Variants in PRDM15 observed in about 807,000 individuals in gnomAD.
PRDM15 encodes the protein PR domain zinc finger protein 15.
In PRDM15, 64 loss-of-function variants were observed where a neutral mutation model predicts 128.6. The ratio of observed to expected loss-of-function variants is 0.50; its 90% CI spans 0.41 to 0.61. The LOEUF (loss-of-function observed/expected upper bound fraction) is 0.61, where lower values mean the gene tolerates loss of function less well. PRDM15 is among the 20% of genes least tolerant of loss of function. The probability of loss-of-function intolerance (pLI) is 0.00; values close to 1 mark genes in which losing one functional copy is unlikely to be tolerated. For missense variants in PRDM15, 1,242 were observed against 1,569.1 expected (o/e 0.79, Z 3.52); for synonymous variants, 615 against 621.8 (o/e 0.99, Z 0.16).
intron 5 of PRDM15, among the ~76,000 whole-genome samples, chr21:41,852,428 A>C (rs2063458675): frequency 6.6e-6 from 1 of 152,188 alleles, no homozygotes; most frequent in African/African-American, 2.4e-5. Flanking sequence ...GCCTCGCAGG[A>C]CTTGGAAACG....
chr21:41,871,508 G>A (rs1352693775), intron 1 of PRDM15: 1 of 1,605,470 alleles, frequency 6.2e-7, no homozygotes, highest in East Asian at 2.2e-5. Context: ...AGGTAGGGCA[G>A]GATTGCGTCG....
chr21:41,866,554 G>A (rs1382370344), intron 1 of PRDM15, among the ~76,000 whole-genome samples: 6 of 152,196 alleles, frequency 3.9e-5, no homozygotes, highest in Non-Finnish European at 2.9e-5. Context: ...CCTGGTTCAC[G>A]TACTTGAAAG....
chr21:41,826,830 A>G (rs1459024048), intron 12 of PRDM15, among the ~76,000 whole-genome samples: 1 of 152,202 alleles, frequency 6.6e-6, no homozygotes, highest in Non-Finnish European at 1.5e-5. Context: ...CTCCAGTATG[A>G]GGGACAAACC....
rs1195164254 is a variant in PRDM15 at position 41,857,166 on chromosome 21, C to A, written c.285+10G>T. 3 of 1,595,008 alleles carry A rather than the reference C, an allele frequency of 1.9e-6. No individual in the cohort carries two copies. Among genetic ancestry groups the A allele is most frequent in the African/African-American group, 1.4e-5 (1 of 72,718 alleles). On this transcript the variant is annotated intron_variant, in intron 4 of 23. Transcript: ENST00000398548. ...CAGTTCCTGAGCTCCTGTTTGGCAA[C>A]AGCCTTTACCTTCAGGGGAAATGCA...
rs983591718 is a variant in PRDM15 at position 41,821,375 on chromosome 21, G to A, written c.1897-145C>T. On this transcript the variant is annotated intron_variant, in intron 15 of 23. Coordinates refer to ENST00000398548, the MANE Select transcript of PRDM15 (RefSeq NM_001040424.3). The surrounding 1 kb of genome is among the most constrained non-coding windows in gnomAD (Gnocchi z 5.4). ...GCCAGGGTGGAAGGGACTCTCAGAG[G>A]CTTGATGGGGAACTTTTCCGAAGCC... The A allele has an allele frequency of 8.4e-6, 8 of 955,660 alleles. No individual in the cohort carries two copies. In the African/African-American group the frequency reaches 9.9e-5, roughly 12 times the overall value. The allele number at this position is 955,660 out of a possible 1,614,324, so 59.2% of individuals were successfully genotyped here.
chr21:41,818,303 G>A (rs1409184374), intron 18 of PRDM15, among the ~76,000 whole-genome samples: 1 of 152,192 alleles, frequency 6.6e-6, no homozygotes, highest in Non-Finnish European at 1.5e-5. Flanking sequence ...TCCCGCTAAG[G>A]CAGGCAGACA....
chr21:41,805,186 G>A (rs547093055), intron 21 of PRDM15, among the ~76,000 whole-genome samples: 9 of 152,256 alleles, frequency 5.9e-5, no homozygotes, highest in Admixed American at 3.3e-4. Flanking sequence ...AGCTCAGTGC[G>A]TCCTGCCCAA....
intron 21 of PRDM15, chr21:41,804,856 C>G: frequency 2.7e-6 from 1 of 375,034 alleles, no homozygotes; most frequent in South Asian, 4.9e-5. Flanking sequence ...TATCATCTCA[C>G]GTCCACTCCC....
intron 11 of PRDM15, among the ~76,000 whole-genome samples, chr21:41,834,871 T>G (rs1320384706): frequency 1.3e-5 from 2 of 152,208 alleles, no homozygotes; most frequent in African/African-American, 4.8e-5. Flanking sequence ...CACTACAGGC[T>G]GGTCCAGGCA....
chr21:41,864,267 C>A (rs1386620199), intron 1 of PRDM15, among the ~76,000 whole-genome samples: 1 of 152,166 alleles, frequency 6.6e-6, no homozygotes, highest in African/African-American at 2.4e-5. Context: ...TGAACTATAA[C>A]TTCATATCTT....
In PRDM15 at chr21:41,871,560, C is replaced by A. The variant is rs780707589; in HGVS notation, c.-10+7710G>T. ...GGGCTCAGTGGCTCAGTGTCGGACACCTCATTCCCTAGAGATGTTTCCAAG... is the reference window on the plus strand; with the variant it reads ...GGGCTCAGTGGCTCAGTGTCGGACAACTCATTCCCTAGAGATGTTTCCAAG... On this transcript the variant is annotated intron_variant, in intron 1 of 23. Transcript: ENST00000398548. 1.9e-6 allele frequency: 3 copies of A among 1,612,284 alleles called. No homozygotes were observed. The African/African-American group carries it at 4.0e-5, about 22-fold the overall frequency.
At chr21:41,860,900 G>C (rs1019549325) in intron 1 of PRDM15, among the ~76,000 whole-genome samples, 1 of 152,186 alleles carries the variant, frequency 6.6e-6, no homozygotes, top group Non-Finnish European at 1.5e-5. Context: ...GAAAGCAATG[G>C]ATTTGAATGG....
intron 14 of PRDM15, chr21:41,823,055 G>A (rs2062337408): frequency 2.3e-6 from 1 of 437,120 alleles, no homozygotes. Context: ...AAAAGAATGG[G>A]ATTTGGGCCC....
At position 41,828,103 on chromosome 21, in the gene PRDM15, GC is replaced by G; in HGVS notation, c.1534+62del. 6.3e-7 allele frequency: 1 copy of G among 1,574,958 alleles called. No individual in the cohort carries two copies. Among genetic ancestry groups the G allele is most frequent in the Non-Finnish European group, 8.7e-7 (1 of 1,153,386 alleles). ...AAGGCCCTGCTGACTGCTCCATGCC[GC>G]CCTGCCCCACCCCGCAGGAGCTGCC... On this transcript the variant is annotated intron_variant, in intron 12 of 23. Transcript: ENST00000398548. This position sits in a 1 kb window ranked among gnomAD's most constrained non-coding sequence, Gnocchi z 5.7.
At chr21:41,871,567 C>T (rs1195566496) in intron 1 of PRDM15, 3 of 1,612,388 alleles carry the variant, frequency 1.9e-6, no homozygotes, top group Non-Finnish European at 2.5e-6. Flanking sequence ...ACACCTCATT[C>T]CCTAGAGATG....
intron 4 of PRDM15, among the ~76,000 whole-genome samples, chr21:41,855,713 A>T (rs1032680800): frequency 6.6e-6 from 1 of 152,202 alleles, no homozygotes; most frequent in African/African-American, 2.4e-5. Flanking sequence ...TAGCTGAAGG[A>T]CCACCAAAAT....
At chr21:41,806,729 C>T (rs1364950945) in intron 21 of PRDM15, among the ~76,000 whole-genome samples, 3 of 134,704 alleles carry the variant, frequency 2.2e-5, no homozygotes, top group Non-Finnish European at 4.8e-5. Flanking sequence ...ACCACCATCA[C>T]CATCACCATA....
chr21:41,867,474 C>T, intron 1 of PRDM15: 1 of 978,258 alleles, frequency 1.0e-6, no homozygotes, highest in South Asian at 1.5e-5. Context: ...ACTATGTTGC[C>T]CAGGCTGGAG....
chr21:41,820,950 C>T (rs931492353), intron 16 of PRDM15, 117 bp downstream of exon 16: 25 of 1,323,146 alleles, frequency 1.9e-5, no homozygotes, highest in Non-Finnish European at 2.6e-5. Context: ...GGCCCTGAGA[C>T]CCAGAGGACA....
Sources: allele counts gnomAD v4.1 joint callset (sites outside exome capture counted in the v4.1 genomes callset), GRCh38; gene constraint gnomAD v4.1.1; non-coding constraint Gnocchi (gnomAD v3.1); transcripts MANE v1.5; gene names NCBI Gene and HGNC (gene_info 2026-07-23, HGNC 2026-07-21).